The following SHROOM3 variants were observed in gnomAD, a reference collection of about 807,000 sequenced individuals.
The protein encoded by SHROOM3 is shroom family member 3.
In SHROOM3, 47 loss-of-function variants were observed where a neutral mutation model predicts 138.6. That is an observed-to-expected ratio of 0.34 (90% CI 0.27 to 0.43). The LOEUF (loss-of-function observed/expected upper bound fraction) is 0.43, where lower values mean the gene tolerates loss of function less well. Among genes scored for constraint, SHROOM3 ranks in the 20% least tolerant of loss-of-function variants. The probability of loss-of-function intolerance (pLI) is 1.00; values close to 1 mark genes in which losing one functional copy is unlikely to be tolerated. For synonymous variants in SHROOM3, 1,062 were observed against 1,063.3 expected (o/e 1.00, Z 0.02); for missense variants, 2,491 against 2,596.5 (o/e 0.96, Z 0.88).
intron 10 of SHROOM3, among the ~76,000 whole-genome samples, chr4:76,773,821 G>T (rs1394136655): frequency 6.6e-6 from 1 of 152,158 alleles, no homozygotes; most frequent in East Asian, 1.9e-4. Context: ...TCAGCACAGG[G>T]CAGAGAAGAG....
At chr4:76,595,320 T>C (rs1734357962) in intron 2 of SHROOM3, among the ~76,000 whole-genome samples, 1 of 152,234 alleles carries the variant, frequency 6.6e-6, no homozygotes, top group African/African-American at 2.4e-5. Context: ...CATTGCTCTG[T>C]CTGCAGACTG....
intron 2 of SHROOM3, among the ~76,000 whole-genome samples, chr4:76,660,451 T>C (rs1736159044): frequency 6.6e-6 from 1 of 152,082 alleles, no homozygotes; most frequent in Non-Finnish European, 1.5e-5. Context: ...CTATCACATA[T>C]TGGTTGCATT....
chr4:76,732,791 G>T (rs1006266541), intron 4 of SHROOM3, among the ~76,000 whole-genome samples: 3 of 152,262 alleles, frequency 2.0e-5, no homozygotes, highest in South Asian at 2.1e-4. Context: ...TACCCCTACG[G>T]TGTAAGCTTG....
intron 3 of SHROOM3, among the ~76,000 whole-genome samples, chr4:76,720,154 T>A (rs1474053882): frequency 1.1e-4 from 6 of 55,254 alleles, no homozygotes; most frequent in Admixed American, 8.8e-4. Flanking sequence ...TTTTTAGGTT[T>A]TTTTTTTTTT....
intron 2 of SHROOM3, among the ~76,000 whole-genome samples, chr4:76,633,078 T>C (rs778259099): frequency 6.6e-6 from 1 of 152,048 alleles, no homozygotes; most frequent in Non-Finnish European, 1.5e-5. Context: ...AATTGACAAT[T>C]GAAATCTTGC....
chr4:76,443,758 T>C (rs1730746515), intron 1 of SHROOM3, among the ~76,000 whole-genome samples: 1 of 152,230 alleles, frequency 6.6e-6, no homozygotes, highest in Non-Finnish European at 1.5e-5. Flanking sequence ...AAGTGATTCT[T>C]TTCTGCCTTC....
At chr4:76,455,643 G>C (rs1023586095) in intron 1 of SHROOM3, among the ~76,000 whole-genome samples, 4 of 151,852 alleles carry the variant, frequency 2.6e-5, no homozygotes, top group Non-Finnish European at 5.9e-5. Flanking sequence ...AATAACCAAG[G>C]GTCAAAGAAT....
chr4:76,440,408 T>C (rs1244178049), intron 1 of SHROOM3, among the ~76,000 whole-genome samples: 2 of 152,234 alleles, frequency 1.3e-5, no homozygotes, highest in Non-Finnish European at 2.9e-5. Flanking sequence ...CATTGCCTAC[T>C]GAACATTTGG....
At chr4:76,663,024 TCTA>T (rs766557952) in intron 2 of SHROOM3, among the ~76,000 whole-genome samples, 2 of 152,140 alleles carry the variant, frequency 1.3e-5, no homozygotes, top group Non-Finnish European at 2.9e-5. Context: ...TAGAACATTG[TCTA>T]CTACACTCTA....
intron 1 of SHROOM3, among the ~76,000 whole-genome samples, chr4:76,551,609 A>G (rs2110026642): frequency 6.6e-6 from 1 of 152,198 alleles, no homozygotes; most frequent in Middle Eastern, 3.4e-3. Flanking sequence ...CTGGAGAGGC[A>G]TGCTGGGGGA....
chr4:76,556,870 G>A (rs1041509502), intron 2 of SHROOM3, among the ~76,000 whole-genome samples: 11 of 152,148 alleles, frequency 7.2e-5, no homozygotes, highest in African/African-American at 1.2e-4. Context: ...AAAACACAGC[G>A]ATGACTGTGG....
At chr4:76,614,466 T>G (rs1216168112) in intron 2 of SHROOM3, among the ~76,000 whole-genome samples, 1 of 152,110 alleles carries the variant, frequency 6.6e-6, no homozygotes, top group Non-Finnish European at 1.5e-5. Flanking sequence ...ATAGGTTATT[T>G]TTATTTTTAT....
intron 9 of SHROOM3, among the ~76,000 whole-genome samples, chr4:76,765,645 T>C (rs1201748688): frequency 6.6e-6 from 1 of 152,188 alleles, no homozygotes; most frequent in African/African-American, 2.4e-5. Context: ...TTACTGGCGA[T>C]GTGGTCTTGT....
chr4:76,445,326 G>A (rs1730783401), intron 1 of SHROOM3, among the ~76,000 whole-genome samples: 1 of 152,102 alleles, frequency 6.6e-6, no homozygotes, highest in Admixed American at 6.6e-5. Context: ...AACAGAAGGG[G>A]ACTGGCAATA....
chr4:76,753,356 G>C (rs1209925762), intron 6 of SHROOM3, among the ~76,000 whole-genome samples: 1 of 152,176 alleles, frequency 6.6e-6, no homozygotes, highest in African/African-American at 2.4e-5. Flanking sequence ...GGATGATCTT[G>C]TGGCAAGCCC....
intron 1 of SHROOM3, among the ~76,000 whole-genome samples, chr4:76,545,305 C>T (rs1733189719): frequency 6.6e-6 from 1 of 152,166 alleles, no homozygotes; most frequent in South Asian, 2.1e-4. Context: ...GAAGATGCTT[C>T]AGTGAAGCTT....
chr4:76,680,105 T>G (rs2110102596), intron 2 of SHROOM3, among the ~76,000 whole-genome samples: 1 of 151,804 alleles, frequency 6.6e-6, no homozygotes, highest in Middle Eastern at 3.4e-3. Context: ...TTTAAGCTGG[T>G]GAGGTTTTGT....
chr4:76,740,072 C>G lies in SHROOM3; in HGVS notation c.1899C>G (p.Asp633Glu). Reference sequence around the variant, plus strand: ...CCTGGGAGGGCGATTTCCAGGAAGACCACAATGCCAACCTCTGGAGGAGGC... The same window carrying G: ...CCTGGGAGGGCGATTTCCAGGAAGAGCACAATGCCAACCTCTGGAGGAGGC... ...SEPWEGDFQE[D>E]HNANLWRRLE... The change falls in exon 5 of 11, where the codon GAC becomes GAG. Residue 633 changes from aspartate (D) to glutamate (E), a missense_variant. Asp to Glu is a conservative substitution (Grantham distance 45). This residue lies in a region of SHROOM3 where 1,733 missense variants were observed against 1,661.6 expected (regional missense o/e 1.04). Transcript: ENST00000296043. This position sits in a 1 kb window ranked among gnomAD's most constrained non-coding sequence, Gnocchi z 4.0. 1 of 1,613,792 alleles carries G rather than the reference C, an allele frequency of 6.2e-7. No homozygotes were observed. Among genetic ancestry groups the G allele is most frequent in the Non-Finnish European group, 8.5e-7 (1 of 1,180,028 alleles).
intron 2 of SHROOM3, among the ~76,000 whole-genome samples, chr4:76,682,974 AC>A (rs1336167532): frequency 6.6e-6 from 1 of 152,202 alleles, no homozygotes; most frequent in African/African-American, 2.4e-5. Flanking sequence ...TCTAGACAGT[AC>A]CATCCAAGAT....
Sources: allele counts gnomAD v4.1 joint callset (sites outside exome capture counted in the v4.1 genomes callset), GRCh38; gene constraint gnomAD v4.1.1; regional missense constraint gnomAD v4.1.1; non-coding constraint Gnocchi (gnomAD v3.1); transcripts MANE v1.5; gene names NCBI Gene and HGNC (gene_info 2026-07-23, HGNC 2026-07-21).